Variants in PHF3 observed in about 807,000 individuals in gnomAD.
The protein encoded by PHF3 is PHD finger protein 3.
A neutral mutation model predicts 178.4 loss-of-function variants in PHF3; 41 were observed. The ratio of observed to expected loss-of-function variants is 0.23; its 90% CI spans 0.18 to 0.30. The LOEUF (loss-of-function observed/expected upper bound fraction) is 0.30. Ranked by LOEUF, PHF3 falls within the 10% of genes least tolerant of loss-of-function variation. PHF3 has a pLI of 1.00. For missense variants in PHF3, 2,346 were observed against 2,398.1 expected (o/e 0.98, Z 0.45); for synonymous variants, 842 against 800.5 (o/e 1.05, Z -0.88).
chr6:63,691,647 A>C, intron 4 of PHF3, 90 bp from the exon 5 acceptor site: 1 of 1,095,596 alleles, frequency 9.1e-7, no homozygotes, highest in Non-Finnish European at 1.3e-6. Context: ...TCAGAAAATC[A>C]GATATTGAAA....
intron 6 of PHF3, among the ~76,000 whole-genome samples, chr6:63,695,280 T>C (rs1160012138): frequency 2.0e-5 from 3 of 152,118 alleles, no homozygotes; most frequent in African/African-American, 7.2e-5. Context: ...GTAGAGTGAT[T>C]AGAAGGTAAT....
chr6:63,689,159 G>A (rs76060785), intron 4 of PHF3, among the ~76,000 whole-genome samples: 3 of 152,136 alleles, frequency 2.0e-5, no homozygotes, highest in Non-Finnish European at 4.4e-5. Flanking sequence ...TGATTTTAAA[G>A]ACCAGATTAT....
chr6:63,720,336 G>A lies in PHF3; in HGVS notation c.*6628G>A. 2.4e-6 allele frequency: 1 copy of A among 413,652 alleles called. No individual in the cohort carries two copies. The highest frequency in any genetic ancestry group is 4.0e-5 in the Admixed American group (1 of 24,944). The allele number at this position is 413,652 out of a possible 1,614,324, so 25.6% of individuals were successfully genotyped here. On this transcript the variant is annotated 3_prime_UTR_variant, in exon 16 of 16. Transcript: ENST00000262043. Reference sequence around the variant, plus strand: ...TAGGTAAAAAGTGAATAAGCAAAGTGAATAAGCACATTCTGTGAATAAGCA... The same window carrying A: ...TAGGTAAAAAGTGAATAAGCAAAGTAAATAAGCACATTCTGTGAATAAGCA...
intron 2 of PHF3, among the ~76,000 whole-genome samples, chr6:63,657,556 A>C (rs564315420): frequency 3.9e-5 from 6 of 152,344 alleles, no homozygotes; most frequent in Non-Finnish European, 8.8e-5. Flanking sequence ...TTTAATATTC[A>C]TTAAGTGGAA....
At chr6:63,640,740 A>G (rs1441930445) in intron 1 of PHF3, among the ~76,000 whole-genome samples, 1 of 152,298 alleles carries the variant, frequency 6.6e-6, no homozygotes, top group East Asian at 1.9e-4. Context: ...ATTTTATTTC[A>G]ATTTTTATAT....
rs757060153 is a variant in PHF3, at chr6:63,691,916, C to T, written c.2369C>T (p.Thr790Ile). Reference protein sequence around the residue: ...LDPDTLENQATVEFHSGDKTM... With the variant: ...LDPDTLENQAIVEFHSGDKTM... Reference sequence around the variant, plus strand: ...CCAGATACTTTGGAAAACCAAGCTACAGTTGAATTCCATAGTGGAGATAAA... The same window carrying T: ...CCAGATACTTTGGAAAACCAAGCTATAGTTGAATTCCATAGTGGAGATAAA... Residue 790 changes from threonine to isoleucine, a missense_variant, in exon 5 of 16, where the codon ACA (threonine) becomes ATA (isoleucine). Physicochemically the swap from Thr to Ile is moderately conservative, Grantham distance 89 (BLOSUM62 -1). Around this residue, in one of 8 missense-constraint regions of PHF3, gnomAD observed 252 missense variants for 232.0 expected, o/e 1.09. Coordinates refer to ENST00000262043, the MANE Select transcript of PHF3 (RefSeq NM_001370348.2). 6.2e-7 allele frequency: 1 copy of T among 1,613,628 alleles called. No individual in the cohort carries two copies. The highest frequency in any genetic ancestry group is 8.5e-7 in the Non-Finnish European group (1 of 1,179,824).
chr6:63,703,414 C>G, intron 10 of PHF3, 122 bp from the exon 11 acceptor site: 1 of 1,017,076 alleles, frequency 9.8e-7, no homozygotes, highest in Non-Finnish European at 1.4e-6. Flanking sequence ...AAACAAAAAT[C>G]AAAAACTTAT....
At chr6:63,671,845 C>G (rs557553903) in intron 2 of PHF3, among the ~76,000 whole-genome samples, 21 of 152,300 alleles carry the variant, frequency 1.4e-4, no homozygotes, top group Admixed American at 7.2e-4. Flanking sequence ...CTACCTGGTT[C>G]AGGTGATTCT....
At chr6:63,692,707 T>A (rs1310721009) in intron 5 of PHF3, among the ~76,000 whole-genome samples, 2 of 152,170 alleles carry the variant, frequency 1.3e-5, no homozygotes, top group Non-Finnish European at 2.9e-5. Context: ...AATCTTTTGG[T>A]CCAATCATTT....
At chr6:63,636,428 C>T (rs1335329704) in intron 1 of PHF3, 5 of 152,510 alleles carry the variant, frequency 3.3e-5, no homozygotes, top group Middle Eastern at 3.4e-3. Flanking sequence ...GGACCACGGC[C>T]TCTCTCCCGA....
At chr6:63,669,669 T>C (rs969086777) in intron 2 of PHF3, among the ~76,000 whole-genome samples, 59 of 152,324 alleles carry the variant, frequency 3.9e-4, no homozygotes, top group Admixed American at 3.6e-3. Context: ...ACTTGATTTT[T>C]CTTGAGGAAG....
intron 5 of PHF3, among the ~76,000 whole-genome samples, chr6:63,692,904 T>A (rs1339013304): frequency 6.6e-6 from 1 of 152,206 alleles, no homozygotes; most frequent in Non-Finnish European, 1.5e-5. Context: ...TGCAACACGA[T>A]ATGGAAGTTA....
intron 8 of PHF3, 41 bp from the exon 9 acceptor site, chr6:63,700,309 T>C (rs770930236): frequency 1.1e-6 from 1 of 928,632 alleles, no homozygotes; most frequent in Non-Finnish European, 1.7e-6. Flanking sequence ...CCACTCAAAA[T>C]GTTTGTCTCC....
chr6:63,723,884 C>T lies in PHF3; in HGVS notation c.*10176C>T, dbSNP rs1458917821. 4.0e-5 allele frequency among the ~76,000 whole-genome samples: 6 copies of T among 151,230 alleles called. No individual in the cohort carries two copies. Among genetic ancestry groups the T allele is most frequent in the Non-Finnish European group, 7.4e-5 (5 of 67,844 alleles). ...TCCCCCAAGCTGGAGTGCAATGGTG[C>T]AATCTCGGCTCACTGCAACCTCCAT... On this transcript the variant is annotated 3_prime_UTR_variant, in exon 16 of 16. Coordinates refer to ENST00000262043, the MANE Select transcript of PHF3 (RefSeq NM_001370348.2).
chr6:63,667,703 C>G (rs1269063522), intron 2 of PHF3, among the ~76,000 whole-genome samples: 4 of 152,208 alleles, frequency 2.6e-5, no homozygotes, highest in Non-Finnish European at 4.4e-5. Flanking sequence ...TCCGAAGTCT[C>G]TGCACTCCTT....
Position 63,722,491 on chromosome 6 carries a change from C to G in PHF3, c.*8783C>G, listed in dbSNP as rs927689926. On this transcript the variant is annotated 3_prime_UTR_variant, in exon 16 of 16. Coordinates refer to ENST00000262043, the MANE Select transcript of PHF3 (RefSeq NM_001370348.2). Reference sequence around the variant, plus strand: ...ATATAGTCGTGTGAAGAAATAGGAACAAATACCATCCAGCATCTGAAGTTG... The same window carrying G: ...ATATAGTCGTGTGAAGAAATAGGAAGAAATACCATCCAGCATCTGAAGTTG... 1.3e-5 allele frequency among the ~76,000 whole-genome samples: 2 copies of G among 152,056 alleles called. No individual in the cohort carries two copies. The highest frequency in any genetic ancestry group is 4.8e-5 in the African/African-American group (2 of 41,414).
Position 63,720,660 on chromosome 6 carries a change from A to G in PHF3, c.*6952A>G, listed in dbSNP as rs770840726. On this transcript the variant is annotated 3_prime_UTR_variant, in exon 16 of 16. Transcript: ENST00000262043. ...GTATCCTTCTAATTTAATTAGTTCAATGTTTTTTGGTTCCTGAAAAAATAC... is the reference window on the plus strand; with the variant it reads ...GTATCCTTCTAATTTAATTAGTTCAGTGTTTTTTGGTTCCTGAAAAAATAC... The G allele has an allele frequency of 3.7e-5, 57 of 1,539,862 alleles. 2 individuals are homozygous for G. The Middle Eastern group carries it at 1.9e-3, about 50-fold the overall frequency.
chr6:63,663,587 T>G (rs1205962765), intron 2 of PHF3, among the ~76,000 whole-genome samples: 1 of 152,210 alleles, frequency 6.6e-6, no homozygotes, highest in African/African-American at 2.4e-5. Flanking sequence ...GTTGCCATCA[T>G]GGATTTGCTT....
intron 3 of PHF3, 108 bp from the exon 4 acceptor site, chr6:63,684,021 G>A (rs1766554435): frequency 2.4e-6 from 2 of 848,594 alleles, no homozygotes; most frequent in African/African-American, 1.7e-5. Flanking sequence ...TTTTTGTTGA[G>A]CAAATTATAG....
Sources: allele counts gnomAD v4.1 joint callset (sites outside exome capture counted in the v4.1 genomes callset), GRCh38; gene constraint gnomAD v4.1.1; regional missense constraint gnomAD v4.1.1; transcripts MANE v1.5; gene names NCBI Gene and HGNC (gene_info 2026-07-23, HGNC 2026-07-21).